The following PCDHB2 variants were observed in gnomAD, a reference collection of about 807,000 sequenced individuals.
PCDHB2 encodes the protein protocadherin beta-2.
For synonymous variants in PCDHB2, 395 were observed against 464.9 expected (o/e 0.85, Z 1.93); for missense variants, 914 against 1,023.1 (o/e 0.89, Z 1.45).
In PCDHB2 at chr5:141,095,717, G is replaced by A. The variant is rs1554271319; in HGVS notation, c.927G>A (p.Leu309=). The A allele has an allele frequency of 2.5e-6, 4 of 1,614,142 alleles. No individual in the cohort carries two copies. Among genetic ancestry groups the A allele is most frequent in the Non-Finnish European group, 3.4e-6 (4 of 1,180,006 alleles). ...GAGAACTGCTTTTAAGACAGAAACT[G>A]GATTTCGAATCCATCCAGACATACA... is the stretch of plus-strand genomic sequence containing the variant. ...KSGELLLRQK[L]DFESIQTYTV... Residue 309 remains leucine (L), a synonymous_variant, in exon 1 of 1, where the codon CTG becomes CTA. Transcript: ENST00000194155.
chr5:141,096,728 C>G lies in PCDHB2; in HGVS notation c.1938C>G (p.Val646=), dbSNP rs782389553. Residue 646 remains valine (V), a synonymous_variant, in exon 1 of 1, where the codon GTC becomes GTG. Transcript: ENST00000194155. ...DAAKQRLVVL[V]KDNGEPPRSA... is the part of the protein sequence containing the mutation. ...CCAAGCAGAGGCTGGTGGTGCTGGT[C>G]AAGGACAATGGCGAGCCTCCGCGCT... The G allele has an allele frequency of 6.2e-7, 1 of 1,610,498 alleles. No homozygotes were observed. The highest frequency in any genetic ancestry group is 1.1e-5 in the South Asian group (1 of 90,968).
At position 141,096,712 on chromosome 5, in the gene PCDHB2, G is replaced by T. The variant is rs782669081; in HGVS notation, c.1922G>T (p.Arg641Met). ...LLRERDAAKQRLVVLVKDNGE... is the reference protein window; with the variant it reads ...LLRERDAAKQMLVVLVKDNGE... ...AGGGAGCGCGACGCTGCCAAGCAGA[G>T]GCTGGTGGTGCTGGTCAAGGACAAT... Residue 641 changes from arginine (R) to methionine (M), a missense_variant, in exon 1 of 1, where the codon AGG (arginine) becomes ATG (methionine). By Grantham distance (91) the Arg-to-Met change is moderately conservative (BLOSUM62 -1). Coordinates refer to ENST00000194155, the MANE Select transcript of PCDHB2 (RefSeq NM_018936.4). 6.2e-7 allele frequency: 1 copy of T among 1,610,650 alleles called. No individual in the cohort carries two copies. The highest frequency in any genetic ancestry group is 8.5e-7 in the Non-Finnish European group (1 of 1,179,670).
chr5:141,095,033 G>A lies in PCDHB2; in HGVS notation c.243G>A (p.Arg81=), dbSNP rs782451991. 2 of 1,614,034 alleles carry A rather than the reference G, an allele frequency of 1.2e-6. No homozygotes were observed. The highest frequency in any genetic ancestry group is 1.7e-6 in the Non-Finnish European group (2 of 1,179,990). The change falls in exon 1 of 1, where the codon AGG becomes AGA. Residue 81 remains arginine (R), a synonymous_variant. Coordinates refer to ENST00000194155, the MANE Select transcript of PCDHB2 (RefSeq NM_018936.4). The part of the protein sequence containing the change: ...KGKKMHLQFD[R]QTGDLLLNEK... Reference sequence around the variant, plus strand: ...AAAAAATGCATTTGCAGTTCGATAGGCAGACCGGGGATTTGTTGTTAAATG... The same window carrying A: ...AAAAAATGCATTTGCAGTTCGATAGACAGACCGGGGATTTGTTGTTAAATG...
rs782468154 is a variant in PCDHB2, at chr5:141,097,033, C to A, written c.2243C>A (p.Ser748Tyr). Residue 748 changes from serine to tyrosine, a missense_variant, in exon 1 of 1, where the codon TCC (serine) becomes TAC (tyrosine). Ser to Tyr is a moderately radical substitution (Grantham distance 144). Coordinates refer to ENST00000194155, the MANE Select transcript of PCDHB2 (RefSeq NM_018936.4). ...MVDVSGTGTL[S>Y]QSYQYEVCLT... ...GACGTGAGCGGCACCGGGACCCTGT[C>A]CCAGAGCTACCAGTACGAGGTGTGT... The A allele has an allele frequency of 3.7e-6, 6 of 1,613,954 alleles. No homozygotes were observed. The highest frequency in any genetic ancestry group is 3.4e-6 in the Non-Finnish European group (4 of 1,179,880).
chr5:141,097,716 T>TG lies in PCDHB2; in HGVS notation c.*531dup, dbSNP rs1751864480. The stretch of plus-strand genomic sequence containing the variant: ...ATGTAATTTTTTTTTTTTTTTGAGA[T>TG]GGAGTTTTGCACTTGTTGCTCAGGC... On this transcript the variant is annotated 3_prime_UTR_variant, in exon 1 of 1. Coordinates refer to ENST00000194155, the MANE Select transcript of PCDHB2 (RefSeq NM_018936.4). 1 of 151,176 alleles carries TG rather than the reference T, an allele frequency of 6.6e-6. No individual in the cohort carries two copies. Among genetic ancestry groups the TG allele is most frequent in the Non-Finnish European group, 1.5e-5 (1 of 67,910 alleles). The allele number at this position is 151,176 out of a possible 1,614,324, so 9.4% of individuals were successfully genotyped here.
At position 141,096,761 on chromosome 5, in the gene PCDHB2, C is replaced by A. The variant is rs571517800; in HGVS notation, c.1971C>A (p.Thr657=). ...KDNGEPPRSA[T]ATLHVLLVDG... is the part of the protein sequence containing the mutation. ...ATGGCGAGCCTCCGCGCTCGGCCAC[C>A]GCCACGCTGCACGTGCTCCTGGTGG... Residue 657 remains threonine (T), a synonymous_variant, in exon 1 of 1, where the codon ACC becomes ACA. Transcript: ENST00000194155. 9 of 1,609,866 alleles carry A rather than the reference C, an allele frequency of 5.6e-6. No individual in the cohort carries two copies. In the South Asian group the frequency reaches 8.8e-5, roughly 16 times the overall value.
Position 141,094,660 on chromosome 5 carries a change from A to G in PCDHB2, c.-131A>G. The G allele has an allele frequency of 1.5e-6, 1 of 662,480 alleles. No individual in the cohort carries two copies. Among genetic ancestry groups the G allele is most frequent in the Admixed American group, 3.3e-5 (1 of 29,998 alleles). 41.0% of individuals were successfully genotyped at this position (662,480 alleles called of 1,614,324 possible). A position where few individuals can be genotyped will look rare whatever the true frequency, so the allele number is the denominator to read the frequency against. On this transcript the variant is annotated 5_prime_UTR_variant, in exon 1 of 1. Transcript: ENST00000194155. Reference sequence around the variant, plus strand: ...AGCAAGCAGGAAGAGGAGGCTTTCTAAGGCGGTCGCTCCGGGAAATCCGGG... The same window carrying G: ...AGCAAGCAGGAAGAGGAGGCTTTCTGAGGCGGTCGCTCCGGGAAATCCGGG...
Position 141,094,844 on chromosome 5 carries a change from ATTC to A in PCDHB2, c.57_59del (p.Phe20del), listed in dbSNP as rs782420105. On this transcript the variant is annotated inframe_deletion, in exon 1 of 1. Coordinates refer to ENST00000194155, the MANE Select transcript of PCDHB2 (RefSeq NM_018936.4). ...TTCCGAAACAAAGGCAAGTCCTGAT[ATTC>A]TTTGTTTTGCTGGGCATAGCTCAGG... is the stretch of plus-strand genomic sequence containing the variant. The A allele has an allele frequency of 4.9e-5, 78 of 1,601,700 alleles. No individual in the cohort carries two copies. The highest frequency in any genetic ancestry group is 5.8e-5 in the Non-Finnish European group (68 of 1,175,370).
rs781829242 is a variant in PCDHB2 at position 141,095,691 on chromosome 5, G to C, written c.901G>C (p.Gly301Arg). ...AACGTTTCGATTAAGTGCAAAATCG[G>C]GAGAACTGCTTTTAAGACAGAAACT... The part of the protein sequence containing the change: ...RKTFRLSAKS[G>R]ELLLRQKLDF... Residue 301 changes from glycine to arginine, a missense_variant, in exon 1 of 1, where the codon GGA becomes CGA. By Grantham distance (125) the Gly-to-Arg change is moderately radical. Transcript: ENST00000194155. 1.9e-6 allele frequency: 3 copies of C among 1,614,052 alleles called. No homozygotes were observed. The highest frequency in any genetic ancestry group is 1.7e-5 in the Admixed American group (1 of 60,008).
In PCDHB2 at chr5:141,096,678, A is replaced by G; in HGVS notation, c.1888A>G (p.Arg630Gly). ...WAHNGEVRTA[R>G]LLRERDAAKQ... ...GCACAATGGCGAGGTGCGCACCGCC[A>G]GGCTGCTGAGGGAGCGCGACGCTGC... The change falls in exon 1 of 1, where the codon AGG (arginine) becomes GGG (glycine). Residue 630 changes from arginine to glycine, a missense_variant. By Grantham distance (125) the Arg-to-Gly change is moderately radical. Transcript: ENST00000194155. 1 of 1,610,298 alleles carries G rather than the reference A, an allele frequency of 6.2e-7. No homozygotes were observed. Among genetic ancestry groups the G allele is most frequent in the East Asian group, 2.2e-5 (1 of 44,870 alleles).
In PCDHB2 at chr5:141,094,698, C is replaced by T. The variant is rs570558615; in HGVS notation, c.-93C>T. On this transcript the variant is annotated 5_prime_UTR_variant, in exon 1 of 1. Coordinates refer to ENST00000194155, the MANE Select transcript of PCDHB2 (RefSeq NM_018936.4). The stretch of plus-strand genomic sequence containing the variant: ...CGGGAAATCCGGGCCCTAGGATTGT[C>T]CACTCATCCCAGTATCAGCGAGATA... 120 of 1,054,682 alleles carry T rather than the reference C, an allele frequency of 1.1e-4. No individual in the cohort carries two copies. The East Asian group carries it at 2.9e-3, about 26-fold the overall frequency. 65.3% of individuals were successfully genotyped at this position (1,054,682 alleles called of 1,614,324 possible). A position where few individuals can be genotyped will look rare whatever the true frequency, so the allele number is the denominator to read the frequency against.
chr5:141,096,576 G>C lies in PCDHB2; in HGVS notation c.1786G>C (p.Gly596Arg), dbSNP rs1172838811. 3 of 1,597,742 alleles carry C rather than the reference G, an allele frequency of 1.9e-6. No individual in the cohort carries two copies. Among genetic ancestry groups the C allele is most frequent in the Admixed American group, 1.7e-5 (1 of 59,616 alleles). ...GGTGACCAAGGTGGTGGCGGTGGAC[G>C]GCGACTCGGGCCAGAACGCCTGGCT... Reference protein sequence around the residue: ...YLVTKVVAVDGDSGQNAWLSY... With the variant: ...YLVTKVVAVDRDSGQNAWLSY... Residue 596 changes from glycine to arginine, a missense_variant, in exon 1 of 1, where the codon GGC (glycine) becomes CGC (arginine). Gly to Arg is a moderately radical substitution (Grantham distance 125, BLOSUM62 -2). Coordinates refer to ENST00000194155, the MANE Select transcript of PCDHB2 (RefSeq NM_018936.4).
chr5:141,096,815 C>CTT lies in PCDHB2; in HGVS notation c.2025_2026insTT (p.Pro676PhefsTer67). On this transcript the variant is annotated frameshift_variant, in exon 1 of 1. Coordinates refer to ENST00000194155, the MANE Select transcript of PCDHB2 (RefSeq NM_018936.4). LOFTEE classifies it low-confidence loss of function (END_TRUNC). ...GCTTCTCCCAGCCCTACCTGCTGCT[C>CTT]CCGGAGGCGGCACCGGCCCAGGCCC... is the stretch of plus-strand genomic sequence containing the variant. The CTT allele has an allele frequency of 6.2e-7, 1 of 1,610,468 alleles. No individual in the cohort carries two copies. Among genetic ancestry groups the CTT allele is most frequent in the Non-Finnish European group, 8.5e-7 (1 of 1,179,738 alleles).
In PCDHB2 at chr5:141,094,618, T is replaced by C; in HGVS notation, c.-173T>C. On this transcript the variant is annotated 5_prime_UTR_variant, in exon 1 of 1. Transcript: ENST00000194155. ...CCCAGCCGACGCTCCCTTACCCAGA[T>C]ACTCAGCTAAAGAAGCAGCAAGCAG... 1 of 505,540 alleles carries C rather than the reference T, an allele frequency of 2.0e-6. No individual in the cohort carries two copies. 31.3% of individuals were successfully genotyped at this position (505,540 alleles called of 1,614,324 possible). A position where few individuals can be genotyped will look rare whatever the true frequency, so the allele number is the denominator to read the frequency against.
Position 141,095,841 on chromosome 5 carries a change from A to G in PCDHB2, c.1051A>G (p.Met351Val), listed in dbSNP as rs1554271340. The G allele has an allele frequency of 6.2e-7, 1 of 1,613,898 alleles. No homozygotes were observed. Among genetic ancestry groups the G allele is most frequent in the Non-Finnish European group, 8.5e-7 (1 of 1,179,864 alleles). Reference protein sequence around the residue: ...DLNDNPPELTMSTLINQIPEN... With the variant: ...DLNDNPPELTVSTLINQIPEN... ...GAATGACAATCCTCCGGAACTAACT[A>G]TGTCGACACTTATCAATCAGATCCC... Residue 351 changes from methionine (M) to valine (V), a missense_variant, in exon 1 of 1, where the codon ATG (methionine) becomes GTG (valine). Physicochemically the swap from Met to Val is conservative, Grantham distance 21. Transcript: ENST00000194155.
In PCDHB2 at chr5:141,098,444, AT is replaced by A. The variant is rs1751876389; in HGVS notation, c.*1260del. The A allele has an allele frequency of 2.0e-5, 3 of 152,082 alleles. No homozygotes were observed. Among genetic ancestry groups the A allele is most frequent in the African/African-American group, 7.2e-5 (3 of 41,390 alleles). The allele number at this position is 152,082 out of a possible 1,614,324, so 9.4% of individuals were successfully genotyped here. ...TAGAAACAAGCCTTTAGGGAGAAAA[AT>A]TTATCTAGCACCACTCACTCTATTT... On this transcript the variant is annotated 3_prime_UTR_variant, in exon 1 of 1. Transcript: ENST00000194155.
Position 141,095,719 on chromosome 5 carries a change from A to C in PCDHB2, c.929A>C (p.Asp310Ala). 3 of 1,614,182 alleles carry C rather than the reference A, an allele frequency of 1.9e-6. No individual in the cohort carries two copies. The highest frequency in any genetic ancestry group is 2.5e-6 in the Non-Finnish European group (3 of 1,180,002). ...SGELLLRQKL[D>A]FESIQTYTVN... ...GAACTGCTTTTAAGACAGAAACTGG[A>C]TTTCGAATCCATCCAGACATACACA... Residue 310 changes from aspartate to alanine, a missense_variant, in exon 1 of 1, where the codon GAT becomes GCT. Physicochemically the swap from Asp to Ala is moderately radical, Grantham distance 126. Transcript: ENST00000194155.
In PCDHB2 at chr5:141,095,541, G is replaced by A. The variant is rs1554271277; in HGVS notation, c.751G>A (p.Val251Met). The A allele has an allele frequency of 6.2e-7, 1 of 1,614,040 alleles. No homozygotes were observed. The highest frequency in any genetic ancestry group is 8.5e-7 in the Non-Finnish European group (1 of 1,179,968). The change falls in exon 1 of 1, where the codon GTG (valine) becomes ATG (methionine). Residue 251 changes from valine (V) to methionine (M), a missense_variant. By Grantham distance (21) the Val-to-Met change is conservative (BLOSUM62 1). Transcript: ENST00000194155. ...VPEFAKLLYE[V>M]QIPEDSPVGS... ...AGAGTTTGCAAAGCTGCTCTATGAGGTGCAGATCCCGGAGGACAGCCCCGT... is the reference window on the plus strand; with the variant it reads ...AGAGTTTGCAAAGCTGCTCTATGAGATGCAGATCCCGGAGGACAGCCCCGT...
chr5:141,095,388 A>G lies in PCDHB2; in HGVS notation c.598A>G (p.Arg200Gly). The change falls in exon 1 of 1, where the codon AGA (arginine) becomes GGA (glycine). Residue 200 changes from arginine (R) to glycine (G), a missense_variant. Arg to Gly is a moderately radical substitution (Grantham distance 125). Transcript: ENST00000194155. Reference protein sequence around the residue: ...GIILPQLVLNRALDREEQPEI... With the variant: ...GIILPQLVLNGALDREEQPEI... ...AATATTACCACAGCTGGTGCTGAAC[A>G]GAGCCCTGGATCGCGAGGAGCAGCC... 1 of 1,614,172 alleles carries G rather than the reference A, an allele frequency of 6.2e-7. No homozygotes were observed. Among genetic ancestry groups the G allele is most frequent in the Non-Finnish European group, 8.5e-7 (1 of 1,180,016 alleles).
Sources: allele counts gnomAD v4.1 joint callset, GRCh38; gene constraint gnomAD v4.1.1; transcripts MANE v1.5; gene names NCBI Gene and HGNC (gene_info 2026-07-23, HGNC 2026-07-21).